Variants in CDC25B observed in about 807,000 individuals in gnomAD.
CDC25B encodes the protein cell division cycle 25B.
In CDC25B, 33 loss-of-function variants were observed where a neutral mutation model predicts 69.8. The observed-to-expected ratio is 0.47, with a 90% CI of 0.36 to 0.63. CDC25B has a LOEUF of 0.63. CDC25B is among the 30% of genes least tolerant of loss of function. The pLI is 0.00. For missense variants in CDC25B, 727 were observed against 809.1 expected (o/e 0.90, Z 1.23); for synonymous variants, 341 against 314.6 (o/e 1.08, Z -0.89).
chr20:3,795,760 A>G (rs1212192292), upstream of CDC25B: 101 of 985,422 alleles, frequency 1.0e-4, no homozygotes, highest in Non-Finnish European at 1.2e-4. Flanking sequence ...CAGCGCAGCC[A>G]GTCGCGGAGG....
chr20:3,797,382 C>T (rs750140961), intron 1 of CDC25B, among the ~76,000 whole-genome samples: 13 of 152,222 alleles, frequency 8.5e-5, no homozygotes, highest in African/African-American at 1.2e-4. Context: ...ACCCTGGGCT[C>T]ACCTTGCCCT....
intron 3 of CDC25B, among the ~76,000 whole-genome samples, chr20:3,799,444 C>G (rs1322094146): frequency 6.6e-6 from 1 of 151,988 alleles, no homozygotes; most frequent in Non-Finnish European, 1.5e-5. Context: ...GGTTCCCTGC[C>G]CTGCACCTGC....
At chr20:3,798,313 CTGT>C (rs2089138152) in intron 2 of CDC25B, 96 bp from the exon 3 acceptor site, 5 of 624,230 alleles carry the variant, frequency 8.0e-6, no homozygotes, top group African/African-American at 4.9e-5. Context: ...AAACTAGAAA[CTGT>C]TTTTTTTTTT....
At chr20:3,798,229 G>A (rs1005203531) in intron 2 of CDC25B, among the ~76,000 whole-genome samples, 183 bp from the exon 3 acceptor site, 1 of 151,844 alleles carries the variant, frequency 6.6e-6, no homozygotes, top group Non-Finnish European at 1.5e-5. Context: ...GCCCTGTACC[G>A]TCTGGGGGAC....
At chr20:3,802,843 C>T (rs2089333330) in intron 11 of CDC25B, 67 bp from the exon 12 acceptor site, 2 of 1,335,074 alleles carry the variant, frequency 1.5e-6, no homozygotes, top group South Asian at 1.2e-5. Context: ...AAACTTCATT[C>T]TTTGAGGCTC....
rs1006419549 is a variant in CDC25B, at chr20:3,805,635, C to T, written c.*674C>T. The T allele has an allele frequency of 3.0e-5, 11 of 367,790 alleles. No homozygotes were observed. The highest frequency in any genetic ancestry group is 4.7e-5 in the Admixed American group (1 of 21,434). The allele number at this position is 367,790 out of a possible 1,614,324, so 22.8% of individuals were successfully genotyped here. A position where few individuals can be genotyped will look rare whatever the true frequency, so the allele number is the denominator to read the frequency against. On this transcript the variant is annotated 3_prime_UTR_variant, in exon 16 of 16. Transcript: ENST00000245960. Reference sequence around the variant, plus strand: ...CCCTGTCAAATATCAGTTACCCACTCGGTCCCAGTTTTGTTGCCCCAGAAA... The same window carrying T: ...CCCTGTCAAATATCAGTTACCCACTTGGTCCCAGTTTTGTTGCCCCAGAAA...
chr20:3,796,681 G>T lies in CDC25B; in HGVS notation c.150G>T (p.Ser50=). 1 of 1,527,600 alleles carries T rather than the reference G, an allele frequency of 6.5e-7. No homozygotes were observed. 94.6% of individuals were successfully genotyped at this position (1,527,600 alleles called of 1,614,324 possible). A position where few individuals can be genotyped will look rare whatever the true frequency, so the allele number is the denominator to read the frequency against. ...LGSPVRAAAS[S]PVTTLTQTMH... ...CCCCGGTGCGGGCGGCCGCTTCCTC[G>T]CCGGTCACCACCCTCACCCAGACCA... The change falls in exon 1 of 16, where the codon TCG becomes TCT. Residue 50 remains serine (S), a synonymous_variant. Transcript: ENST00000245960.
rs2146665286 is a variant in CDC25B, at chr20:3,796,345, C to T, written c.-187C>T. On this transcript the variant is annotated 5_prime_UTR_variant, in exon 1 of 16. Transcript: ENST00000245960. ...CTGGCTGGTGCCTGAGCCCGGCGTCCCTCGCCCCCCGCCCTCCCCGCATCC... is the reference window on the plus strand; with the variant it reads ...CTGGCTGGTGCCTGAGCCCGGCGTCTCTCGCCCCCCGCCCTCCCCGCATCC... The T allele has an allele frequency of 2.3e-6, 3 of 1,320,456 alleles. No individual in the cohort carries two copies. Among genetic ancestry groups the T allele is most frequent in the Non-Finnish European group, 2.9e-6 (3 of 1,038,636 alleles). 81.8% of individuals were successfully genotyped at this position (1,320,456 alleles called of 1,614,324 possible).
At chr20:3,804,537 ACT>A (rs776040249) in intron 14 of CDC25B, 30 bp from the exon 15 acceptor site, 1 of 1,433,772 alleles carries the variant, frequency 7.0e-7, no homozygotes, top group South Asian at 1.1e-5. Context: ...TGCATGCCCC[ACT>A]CTGACCACAC....
At chr20:3,797,952 A>C (rs2089125512) in intron 2 of CDC25B, among the ~76,000 whole-genome samples, 1 of 152,170 alleles carries the variant, frequency 6.6e-6, no homozygotes, top group African/African-American at 2.4e-5. Context: ...GGACTGGCTG[A>C]GTGGATGAGA....
chr20:3,802,206 AG>A (rs2089309212), intron 10 of CDC25B, 74 bp from the exon 11 acceptor site: 1 of 1,554,884 alleles, frequency 6.4e-7, no homozygotes. Context: ...TGGCAGAGAA[AG>A]GGGGTACCAG....
rs373847564 is a variant in CDC25B at position 3,796,726 on chromosome 20, C to T, written c.195C>T (p.Leu65=). The T allele has an allele frequency of 6.4e-7, 1 of 1,567,312 alleles. No homozygotes were observed. Among genetic ancestry groups the T allele is most frequent in the Non-Finnish European group, 8.6e-7 (1 of 1,166,032 alleles). ...AGACCATGCACGACCTCGCCGGGCTCGGCAGGTAGGACACCCCAAGGAGGC... is the reference window on the plus strand; with the variant it reads ...AGACCATGCACGACCTCGCCGGGCTTGGCAGGTAGGACACCCCAAGGAGGC... ...LTQTMHDLAG[L]GSETPKSQVG... The change falls in exon 1 of 16, where the codon CTC becomes CTT. Residue 65 remains leucine (L), a synonymous_variant. Transcript: ENST00000245960.
chr20:3,795,859 A>G (rs926032588), upstream of CDC25B: 34 of 985,074 alleles, frequency 3.5e-5, no homozygotes, highest in African/African-American at 5.2e-4. Context: ...GAGTTAATGA[A>G]CTTCACGCCT....
At chr20:3,802,648 T>C in intron 11 of CDC25B, 1 of 600,852 alleles carries the variant, frequency 1.7e-6, no homozygotes, top group Non-Finnish European at 3.0e-6. Context: ...TGCCTCACCT[T>C]CGGGCTTGGC....
chr20:3,798,587 C>A, intron 3 of CDC25B, 124 bp downstream of exon 3: 2 of 631,552 alleles, frequency 3.2e-6, no homozygotes, highest in Non-Finnish European at 5.2e-6. Context: ...GCTTCAGGAT[C>A]CCCATGGCCG....
At chr20:3,790,227 C>T (rs1394145893) in intron 1 of CDC25B, among the ~76,000 whole-genome samples, 1 of 150,652 alleles carries the variant, frequency 6.6e-6, no homozygotes, top group East Asian at 2.0e-4. Context: ...GAGATTACGG[C>T]ACTGTACTCT....
At chr20:3,799,523 T>TGCGCGCGCGC (rs879400925) in intron 3 of CDC25B, among the ~76,000 whole-genome samples, 5 of 56,872 alleles carry the variant, frequency 8.8e-5, no homozygotes, top group African/African-American at 3.7e-4. Context: ...TGTGTGTGTG[T>TGCGCGCGCGC]GTGCGCGCGC....
chr20:3,798,335 T>TAAAA, intron 2 of CDC25B, 77 bp from the exon 3 acceptor site: 2 of 686,984 alleles, frequency 2.9e-6, no homozygotes, highest in Non-Finnish European at 4.5e-6. Flanking sequence ...TTTTTTTTTT[T>TAAAA]TTCATATTGG....
intron 8 of CDC25B, 46 bp downstream of exon 8, chr20:3,801,434 T>A: frequency 1.3e-6 from 2 of 1,548,430 alleles, no homozygotes; most frequent in Non-Finnish European, 1.7e-6. Context: ...TATCCCTGGG[T>A]TCGCCCAAAA....
Sources: allele counts gnomAD v4.1 joint callset (sites outside exome capture counted in the v4.1 genomes callset), GRCh38; gene constraint gnomAD v4.1.1; transcripts MANE v1.5; gene names NCBI Gene and HGNC (gene_info 2026-07-23, HGNC 2026-07-21).